The following DAB1 variants were observed in gnomAD, a reference collection of about 807,000 sequenced individuals.
DAB1 encodes the protein disabled homolog 1.
DAB1 carries 15 observed loss-of-function variants against 64.6 expected under a neutral mutation model. That is an observed-to-expected ratio of 0.23 (90% confidence interval 0.16 to 0.36). The LOEUF (loss-of-function observed/expected upper bound fraction) is 0.36. Ranked by LOEUF, DAB1 falls within the 10% of genes least tolerant of loss-of-function variation. The pLI is 1.00. For missense variants in DAB1, 596 were observed against 706.7 expected, an observed-to-expected ratio of 0.84 and a Z score of 1.78; for synonymous variants, 235 against 251.9, an observed-to-expected ratio of 0.93 and a Z score of 0.64.
chr1:57,142,708 G>T (rs1053160276), intron 3 of DAB1, among the ~76,000 whole-genome samples: 3 of 152,016 alleles, frequency 2.0e-5, no homozygotes, highest in Admixed American at 2.0e-4. Context: ...AATCCTGAGC[G>T]AGAATGTTCA....
intron 3 of DAB1, among the ~76,000 whole-genome samples, chr1:58,406,378 G>T (rs1003821903): frequency 1.3e-5 from 2 of 152,218 alleles, no homozygotes; most frequent in Non-Finnish European, 2.9e-5. Flanking sequence ...CAGCCCTGTC[G>T]CATCTCCCTC....
At chr1:57,070,993 T>A in intron 7 of DAB1, 30 bp downstream of exon 7, 1 of 1,597,942 alleles carries the variant, frequency 6.3e-7, no homozygotes, top group Non-Finnish European at 8.6e-7. Flanking sequence ...CACTCTTGAA[T>A]CTAAAACCCC....
At chr1:58,311,881 G>A (rs766827075) in intron 4 of DAB1, among the ~76,000 whole-genome samples, 3 of 151,420 alleles carry the variant, frequency 2.0e-5, no homozygotes, top group Non-Finnish European at 2.9e-5. Context: ...AACAACATTG[G>A]GGGGTGGGAT....
intron 9 of DAB1, among the ~76,000 whole-genome samples, chr1:57,048,247 C>T (rs1427695729): frequency 6.6e-6 from 1 of 152,212 alleles, no homozygotes; most frequent in Non-Finnish European, 1.5e-5. Flanking sequence ...AGTTCCCTAT[C>T]AATTAACCAG....
intron 6 of DAB1, among the ~76,000 whole-genome samples, chr1:57,650,821 G>A (rs1646247754): frequency 6.6e-6 from 1 of 152,074 alleles, no homozygotes. Context: ...AGATAACACT[G>A]CACTGGAATT....
At chr1:57,569,582 C>G (rs988055431) in intron 7 of DAB1, among the ~76,000 whole-genome samples, 1 of 151,476 alleles carries the variant, frequency 6.6e-6, no homozygotes, top group Non-Finnish European at 1.5e-5. Context: ...GAACATCATA[C>G]ACCGGGGCCT....
At chr1:57,688,185 C>T (rs1254675865) in intron 6 of DAB1, among the ~76,000 whole-genome samples, 2 of 152,112 alleles carry the variant, frequency 1.3e-5, no homozygotes, top group Admixed American at 6.5e-5. Context: ...ATCTAATATC[C>T]AGATTATATG....
intron 1 of DAB1, chr1:57,307,086 G>GT (rs1674248579): frequency 6.6e-6 from 1 of 152,162 alleles, no homozygotes; most frequent in African/African-American, 2.4e-5. Context: ...GGATCTTGCA[G>GT]TTTTTTAGGA....
At chr1:57,334,471 G>C (rs990034288) in intron 1 of DAB1, among the ~76,000 whole-genome samples, 2 of 152,204 alleles carry the variant, frequency 1.3e-5, no homozygotes, top group African/African-American at 4.8e-5. Flanking sequence ...ACGTCTTACA[G>C]GCAGTGAGCA....
intron 2 of DAB1, among the ~76,000 whole-genome samples, chr1:57,215,728 T>A (rs953847941): frequency 6.6e-6 from 1 of 152,216 alleles, no homozygotes; most frequent in African/African-American, 2.4e-5. Flanking sequence ...TCTCCTTTAT[T>A]CCTCCCCAAC....
chr1:57,900,316 T>C (rs181432621), intron 5 of DAB1, among the ~76,000 whole-genome samples: 337 of 152,262 alleles, frequency 2.2e-3, no homozygotes, highest in African/African-American at 7.8e-3. Context: ...CTGGGGGGTA[T>C]TGGGTGGACC....
At chr1:58,197,996 T>C (rs1657781809) in intron 4 of DAB1, among the ~76,000 whole-genome samples, 1 of 152,212 alleles carries the variant, frequency 6.6e-6, no homozygotes, top group Non-Finnish European at 1.5e-5. Flanking sequence ...ACAGTTCCAA[T>C]AGTACCAGCC....
At chr1:57,489,802 G>A (rs542856942) in intron 7 of DAB1, among the ~76,000 whole-genome samples, 2 of 152,148 alleles carry the variant, frequency 1.3e-5, no homozygotes, top group Non-Finnish European at 2.9e-5. Context: ...CAAAATTGAA[G>A]GTATGACTCA....
At chr1:57,994,159 T>C (rs750195912) in intron 5 of DAB1, among the ~76,000 whole-genome samples, 2 of 152,142 alleles carry the variant, frequency 1.3e-5, no homozygotes, top group Non-Finnish European at 2.9e-5. Context: ...GGGAGTAAAG[T>C]GTACATAGAG....
chr1:57,388,656 T>C (rs890492736), intron 1 of DAB1, among the ~76,000 whole-genome samples: 2 of 152,198 alleles, frequency 1.3e-5, no homozygotes, highest in Non-Finnish European at 2.9e-5. Context: ...TGAAAGCTCA[T>C]CTCTCTCCTT....
At chr1:58,246,684 C>T (rs760002885) in intron 4 of DAB1, among the ~76,000 whole-genome samples, 47 of 151,850 alleles carry the variant, frequency 3.1e-4, no homozygotes, top group Non-Finnish European at 1.3e-4. Context: ...TATATGTGTG[C>T]GAAGGCATGT....
chr1:57,039,842 A>G (rs1280034450), intron 9 of DAB1, among the ~76,000 whole-genome samples: 1 of 152,180 alleles, frequency 6.6e-6, no homozygotes, highest in Non-Finnish European at 1.5e-5. Context: ...TAACAGTGAT[A>G]AAGGAAAGGA....
At chr1:58,085,410 C>T (rs1054913256) in intron 5 of DAB1, among the ~76,000 whole-genome samples, 2 of 152,134 alleles carry the variant, frequency 1.3e-5, no homozygotes, top group Non-Finnish European at 2.9e-5. Flanking sequence ...CTCTGTCACT[C>T]AGGCTGGAGT....
chr1:58,462,808 A>G (rs967270594), intron 3 of DAB1: 1 of 152,214 alleles, frequency 6.6e-6, no homozygotes, highest in African/African-American at 2.4e-5. Context: ...TAAAATAGGG[A>G]TGAAGACAGA....
Sources: gnomAD v4.1 joint callset for allele counts (sites outside exome capture counted in the v4.1 genomes callset) on GRCh38, gnomAD v4.1.1 for gene constraint, MANE v1.5 for transcripts, NCBI Gene and HGNC (gene_info 2026-07-23, HGNC 2026-07-21) for gene names.